Variants in RIIAD1 observed in about 807,000 individuals in gnomAD.
The protein encoded by RIIAD1 is regulatory subunit of type II PKA R-subunit domain containing 1.
A neutral mutation model predicts 13.3 loss-of-function variants in RIIAD1; 15 were observed. That is an observed-to-expected ratio of 1.13 (90% CI 0.76 to 1.74). The LOEUF (loss-of-function observed/expected upper bound fraction) is 1.74, where lower values mean the gene tolerates loss of function less well. RIIAD1 is among the 40% of genes most tolerant of loss of function. The pLI, the probability that RIIAD1 is intolerant of heterozygous loss-of-function variation, is 0.00. For synonymous variants in RIIAD1, 50 were observed against 43.3 expected, an observed-to-expected ratio of 1.16 and a Z score of -0.61; for missense variants, 121 against 112.2, an observed-to-expected ratio of 1.08 and a Z score of -0.35.
chr1:151,728,850 G>A lies in RIIAD1; in HGVS notation c.*14G>A. On this transcript the variant is annotated 3_prime_UTR_variant, in exon 4 of 5. Transcript: ENST00000479191. ...AAAGCGGCTTAATTAGCAAAATCAT[G>A]ATGCTCAGCTGTTGGGAGAGACCAG... The A allele has an allele frequency of 6.8e-7, 1 of 1,469,752 alleles. No individual in the cohort carries two copies. Among genetic ancestry groups the A allele is most frequent in the Non-Finnish European group, 9.3e-7 (1 of 1,072,538 alleles). 91.0% of individuals were successfully genotyped at this position (1,469,752 alleles called of 1,614,324 possible).
chr1:151,729,218 G>T (rs1289064766), intron 4 of RIIAD1, among the ~76,000 whole-genome samples: 2 of 152,084 alleles, frequency 1.3e-5, no homozygotes, highest in African/African-American at 4.8e-5. Context: ...TGTTCCTGCT[G>T]GTGGCCTTTC....
At chr1:151,722,734 G>T (rs758446360) in intron 2 of RIIAD1, among the ~76,000 whole-genome samples, 3 of 152,144 alleles carry the variant, frequency 2.0e-5, no homozygotes, top group Non-Finnish European at 4.4e-5. Flanking sequence ...CCATCTCCAG[G>T]CATTGTGCTG....
chr1:151,715,561 A>C (rs1451705129), intron 4 of RIIAD1: 6 of 1,315,640 alleles, frequency 4.6e-6, no homozygotes, highest in African/African-American at 3.0e-5. Flanking sequence ...CTTATCTCCC[A>C]AACCAGCTCT....
chr1:151,712,225 C>T (rs569799627), intron 2 of RIIAD1, among the ~76,000 whole-genome samples: 7 of 152,308 alleles, frequency 4.6e-5, no homozygotes, highest in East Asian at 3.9e-4. Context: ...AGCCCTCCCT[C>T]GGGCCTCCCA....
intron 2 of RIIAD1, among the ~76,000 whole-genome samples, chr1:151,723,254 C>T (rs904201053): frequency 2.6e-5 from 4 of 152,064 alleles, no homozygotes; most frequent in South Asian, 4.1e-4. Context: ...ATTAGCCAGG[C>T]GTGGTGGCAC....
At chr1:151,721,673 G>T in intron 1 of RIIAD1, 53 bp downstream of exon 1, 1 of 1,139,024 alleles carries the variant, frequency 8.8e-7, no homozygotes, top group African/African-American at 1.6e-5. Flanking sequence ...GCTGCCCCAG[G>T]ACTGGGGCCC....
chr1:151,720,254 G>GT (rs1276882585), upstream of RIIAD1, among the ~76,000 whole-genome samples: 3 of 152,074 alleles, frequency 2.0e-5, no homozygotes, highest in African/African-American at 7.2e-5. Context: ...AGCTCTGGAG[G>GT]TGCCACCACC....
intron 4 of RIIAD1, among the ~76,000 whole-genome samples, chr1:151,715,183 C>T (rs2101487762): frequency 6.6e-6 from 1 of 152,188 alleles, no homozygotes; most frequent in South Asian, 2.1e-4. Context: ...TTCCCTGTGC[C>T]AGGTGGAGGG....
chr1:151,728,732 A>C, intron 3 of RIIAD1, 34 bp from the exon 4 acceptor site: 1 of 1,277,990 alleles, frequency 7.8e-7, no homozygotes, highest in Non-Finnish European at 1.1e-6. Context: ...CCCTTTGGGT[A>C]TAGATGATGT....
At chr1:151,716,003 G>A (rs981405819) in intron 4 of RIIAD1, 1 of 1,613,396 alleles carries the variant, frequency 6.2e-7, no homozygotes. Flanking sequence ...ACAGCTTGAT[G>A]GCATCCGGCT....
chr1:151,719,205 C>A (rs989198052), upstream of RIIAD1, among the ~76,000 whole-genome samples: 4 of 152,124 alleles, frequency 2.6e-5, no homozygotes, highest in African/African-American at 9.7e-5. Flanking sequence ...TCATCAGACT[C>A]TCCTTGCTGA....
intron 2 of RIIAD1, among the ~76,000 whole-genome samples, chr1:151,722,791 A>C (rs1673761817): frequency 6.6e-6 from 1 of 152,214 alleles, no homozygotes; most frequent in Non-Finnish European, 1.5e-5. Context: ...TTGAGCTGTC[A>C]ATCTTCTGTT....
chr1:151,720,351 G>A (rs200433334), upstream of RIIAD1, among the ~76,000 whole-genome samples: 10 of 149,606 alleles, frequency 6.7e-5, no homozygotes, highest in Non-Finnish European at 1.0e-4. Flanking sequence ...CTCCTGCCGG[G>A]AAAAAAAAAA....
intron 1 of RIIAD1, 28 bp downstream of exon 1, chr1:151,721,648 G>T: frequency 8.0e-7 from 1 of 1,255,180 alleles, no homozygotes; most frequent in Non-Finnish European, 1.0e-6. Flanking sequence ...CCCATCCAGC[G>T]TCCACCAAAG....
chr1:151,714,435 T>C (rs1267062950), exon 4 of RIIAD1: 14 of 697,506 alleles, frequency 2.0e-5, no homozygotes. Context: ...AAGAAATGCA[T>C]GCATCTACAG....
intron 2 of RIIAD1, among the ~76,000 whole-genome samples, chr1:151,723,419 G>A (rs1016848910): frequency 2.0e-5 from 3 of 151,930 alleles, no homozygotes; most frequent in East Asian, 3.9e-4. Flanking sequence ...AAGTTGGCCA[G>A]GCAGATGCGT....
At chr1:151,714,690 G>A in intron 4 of RIIAD1, 2 of 1,550,514 alleles carry the variant, frequency 1.3e-6, no homozygotes, top group Non-Finnish European at 8.7e-7. Context: ...AGGAGGGGCA[G>A]GGGCAGAGAA....
At chr1:151,714,526 G>A in exon 4 of RIIAD1, 2 of 1,108,320 alleles carry the variant, frequency 1.8e-6, no homozygotes, top group Non-Finnish European at 2.7e-6. Context: ...GTGTCAGGAG[G>A]GTGGTGAGCC....
chr1:151,721,235 G>A (rs187204418), upstream of RIIAD1, among the ~76,000 whole-genome samples: 2 of 152,312 alleles, frequency 1.3e-5, no homozygotes, highest in East Asian at 3.9e-4. Context: ...GAGGGAGTCT[G>A]GAAGCAGATT....
Sources: allele counts gnomAD v4.1 joint callset (sites outside exome capture counted in the v4.1 genomes callset), GRCh38; gene constraint gnomAD v4.1.1; transcripts MANE v1.5; gene names NCBI Gene and HGNC (gene_info 2026-07-23, HGNC 2026-07-21).